B3GALNT2: variants seen among roughly 807,000 people sequenced by gnomAD.
The protein encoded by B3GALNT2 is beta-1,3-N-acetylgalactosaminyltransferase 2, also known as UDP-GalNAc:beta-1,3-N-acetylgalactosaminyltransferase 2.
A neutral mutation model predicts 61.1 loss-of-function variants in B3GALNT2; 53 were observed. The ratio of observed to expected loss-of-function variants is 0.87; its 90% confidence interval spans 0.70 to 1.09. The LOEUF (loss-of-function observed/expected upper bound fraction) is 1.09, where lower values mean the gene tolerates loss of function less well. Ranked by LOEUF, B3GALNT2 falls within the 50% of genes least tolerant of loss-of-function variation. B3GALNT2 has a pLI of 0.00. For missense variants in B3GALNT2, 544 were observed against 623.0 expected, an observed-to-expected ratio of 0.87 and a Z score of 1.35; for synonymous variants, 223 against 237.4, an observed-to-expected ratio of 0.94 and a Z score of 0.56.
At chr1:235,494,984 C>G (rs1351020033) in intron 1 of B3GALNT2, among the ~76,000 whole-genome samples, 156 bp from the exon 2 acceptor site, 1 of 152,140 alleles carries the variant, frequency 6.6e-6, no homozygotes, top group African/African-American at 2.4e-5. Context: ...AACCCACTAT[C>G]CAGAGACAAC....
intron 5 of B3GALNT2, among the ~76,000 whole-genome samples, chr1:235,474,985 A>ATTTTTTTTTT (rs1558425516): frequency 2.6e-5 from 1 of 37,790 alleles, no homozygotes; most frequent in Non-Finnish European, 4.5e-5. Flanking sequence ...ATATATATAT[A>ATTTTTTTTTT]TATTTTTTTT....
chr1:235,448,815 C>G lies in B3GALNT2; in HGVS notation c.*1391G>C. 1.5e-6 allele frequency: 2 copies of G among 1,300,454 alleles called. No homozygotes were observed. The highest frequency in any genetic ancestry group is 2.2e-6 in the Non-Finnish European group (2 of 899,682). The allele number at this position is 1,300,454 out of a possible 1,614,324, so 80.6% of individuals were successfully genotyped here. On this transcript the variant is annotated 3_prime_UTR_variant, in exon 12 of 12. Transcript: ENST00000366600. ...CACTGCTTATCGTGTCTGGGGTTCA[C>G]CGGAAATAAATGATTCACTGGAACA...
chr1:235,461,145 A>C (rs959937442), intron 7 of B3GALNT2, among the ~76,000 whole-genome samples: 1 of 152,132 alleles, frequency 6.6e-6, no homozygotes, highest in Admixed American at 6.6e-5. Context: ...TTAGCACTGC[A>C]CTCTTTGTCA....
In B3GALNT2 at chr1:235,504,411, C is replaced by A. The variant is rs897880657; in HGVS notation, c.-159G>T. On this transcript the variant is annotated 5_prime_UTR_variant, in exon 1 of 12. Transcript: ENST00000366600. The stretch of plus-strand genomic sequence containing the variant: ...CTGGGGGGCTCCTCGCAGCTCCCGG[C>A]CCCGCTCCTCCGGTCCCTCAGACCG... 2.7e-6 allele frequency: 2 copies of A among 743,740 alleles called. No homozygotes were observed. The highest frequency in any genetic ancestry group is 4.9e-5 in the South Asian group (2 of 40,704). 46.1% of individuals were successfully genotyped at this position (743,740 alleles called of 1,614,324 possible). A position where few individuals can be genotyped will look rare whatever the true frequency, so the allele number is the denominator to read the frequency against.
chr1:235,497,447 T>C (rs1432249550), intron 1 of B3GALNT2, among the ~76,000 whole-genome samples: 5 of 152,324 alleles, frequency 3.3e-5, no homozygotes, highest in Non-Finnish European at 7.4e-5. Flanking sequence ...CAAAGTCTCA[T>C]CTCAAAAGAT....
At chr1:235,498,064 T>C (rs1022961268) in intron 1 of B3GALNT2, among the ~76,000 whole-genome samples, 7 of 152,204 alleles carry the variant, frequency 4.6e-5, no homozygotes, top group Non-Finnish European at 5.9e-5. Context: ...CTTCAAGATA[T>C]ATTGAAGTCA....
At chr1:235,501,174 C>T (rs573842881) in intron 1 of B3GALNT2, among the ~76,000 whole-genome samples, 1 of 152,278 alleles carries the variant, frequency 6.6e-6, no homozygotes, top group Non-Finnish European at 1.5e-5. Flanking sequence ...TTACCCAAAA[C>T]GAGCATTTTG....
At chr1:235,490,527 G>A (rs909438120) in intron 2 of B3GALNT2, among the ~76,000 whole-genome samples, 3 of 151,966 alleles carry the variant, frequency 2.0e-5, no homozygotes, top group African/African-American at 4.8e-5. Flanking sequence ...CACTGTGTCC[G>A]GACCTGAATT....
In B3GALNT2 at chr1:235,450,344, T is replaced by G; in HGVS notation, c.1369-4A>C. On this transcript the variant is annotated splice_region_variant and splice_polypyrimidine_tract_variant and intron_variant, in intron 11 of 11. Coordinates refer to ENST00000366600, the MANE Select transcript of B3GALNT2 (RefSeq NM_152490.5). ...TCTCACACAGCCACAGACTGTCCTGTTGAGAAACAACCAAAGCCGATCTGA... is the reference window on the plus strand; with the variant it reads ...TCTCACACAGCCACAGACTGTCCTGGTGAGAAACAACCAAAGCCGATCTGA... 1 of 1,613,890 alleles carries G rather than the reference T, an allele frequency of 6.2e-7. No homozygotes were observed. The highest frequency in any genetic ancestry group is 8.5e-7 in the Non-Finnish European group (1 of 1,179,816).
chr1:235,490,285 C>T (rs1018768360), intron 2 of B3GALNT2, among the ~76,000 whole-genome samples: 1 of 152,176 alleles, frequency 6.6e-6, no homozygotes, highest in Non-Finnish European at 1.5e-5. Flanking sequence ...GGCTGGAATA[C>T]AACAGTGTAA....
At chr1:235,445,151 A>G (rs535814849), downstream of B3GALNT2, among the ~76,000 whole-genome samples, 29 of 152,346 alleles carry the variant, frequency 1.9e-4, no homozygotes, top group African/African-American at 6.7e-4. Flanking sequence ...TCTGAGTCCT[A>G]TATTCTATAA....
In B3GALNT2 at chr1:235,448,210, A is replaced by C. The variant is rs78421351; in HGVS notation, c.*1996T>G. 0.012 allele frequency: 8,421 copies of C among 719,040 alleles called. 291 individuals are homozygous for C. Among genetic ancestry groups the C allele is most frequent in the Admixed American group, 0.096 (4,191 of 43,834 alleles). The allele number at this position is 719,040 out of a possible 1,614,324, so 44.5% of individuals were successfully genotyped here. A position where few individuals can be genotyped will look rare whatever the true frequency, so the allele number is the denominator to read the frequency against. ...GCAAGACTTACTTAAGTAAGTAAGT[A>C]AGTCAGTCTCAAAAAAAAAAAAAAA... On this transcript the variant is annotated 3_prime_UTR_variant, in exon 12 of 12. Transcript: ENST00000366600.
Position 235,448,219 on chromosome 1 carries a change from T to TC in B3GALNT2, c.*1986dup, listed in dbSNP as rs1185471235. On this transcript the variant is annotated 3_prime_UTR_variant, in exon 12 of 12. Coordinates refer to ENST00000366600, the MANE Select transcript of B3GALNT2 (RefSeq NM_152490.5). ...ACTTAAGTAAGTAAGTAAGTCAGTC[T>TC]CAAAAAAAAAAAAAAAAAAAAGACA... is the stretch of plus-strand genomic sequence containing the variant. The TC allele has an allele frequency of 6.7e-4, 417 of 626,222 alleles. 1 individual carries two copies. In the African/African-American group the frequency reaches 0.016, roughly 24 times the overall value. 38.8% of individuals were successfully genotyped at this position (626,222 alleles called of 1,614,324 possible).
intron 2 of B3GALNT2, among the ~76,000 whole-genome samples, chr1:235,489,680 A>C (rs1269096014): frequency 5.3e-5 from 8 of 152,036 alleles, no homozygotes; most frequent in Non-Finnish European, 8.8e-5. Flanking sequence ...CCAAGAGGAA[A>C]TCCCCTTCTC....
At chr1:235,467,486 T>C (rs1040285486) in intron 6 of B3GALNT2, among the ~76,000 whole-genome samples, 2 of 146,204 alleles carry the variant, frequency 1.4e-5, no homozygotes, top group African/African-American at 5.1e-5. Context: ...TTATTTACTT[T>C]TTTTTTTTTT....
chr1:235,489,332 A>G, intron 2 of B3GALNT2, 64 bp from the exon 3 acceptor site: 2 of 1,595,254 alleles, frequency 1.3e-6, no homozygotes, highest in South Asian at 1.1e-5. Context: ...ACGTTTCCTC[A>G]TGCCCATTTC....
Position 235,455,556 on chromosome 1 carries a change from T to C in B3GALNT2, c.1151+3A>G. The C allele has an allele frequency of 6.2e-7, 1 of 1,612,442 alleles. No homozygotes were observed. The highest frequency in any genetic ancestry group is 8.5e-7 in the Non-Finnish European group (1 of 1,178,470). ...GCCAATGGGCTAAGAATGGTTAACTTACTTTCCCCACCAAAAATTAGGCCC... is the reference window on the plus strand; with the variant it reads ...GCCAATGGGCTAAGAATGGTTAACTCACTTTCCCCACCAAAAATTAGGCCC... On this transcript the variant is annotated splice_donor_region_variant and intron_variant, in intron 9 of 11. Coordinates refer to ENST00000366600, the MANE Select transcript of B3GALNT2 (RefSeq NM_152490.5).
intron 1 of B3GALNT2, among the ~76,000 whole-genome samples, chr1:235,495,865 AGTC>A (rs1685295520): frequency 2.0e-5 from 3 of 152,246 alleles, no homozygotes; most frequent in Non-Finnish European, 2.9e-5. Flanking sequence ...CTAGGTATTC[AGTC>A]TAAAAGACAA....
intron 2 of B3GALNT2, among the ~76,000 whole-genome samples, chr1:235,490,280 G>A (rs1040504321): frequency 1.3e-5 from 2 of 152,108 alleles, no homozygotes; most frequent in Non-Finnish European, 1.5e-5. Context: ...ACCCAGGCTG[G>A]AATACAACAG....
Sources: allele counts gnomAD v4.1 joint callset (sites outside exome capture counted in the v4.1 genomes callset), GRCh38; gene constraint gnomAD v4.1.1; transcripts MANE v1.5; gene names NCBI Gene and HGNC (gene_info 2026-07-23, HGNC 2026-07-21).